GREB1L: variants seen among roughly 807,000 people sequenced by gnomAD.
GREB1L encodes GREB1-like protein.
A neutral mutation model predicts 200.8 loss-of-function variants in GREB1L; 17 were observed. The ratio of observed to expected loss-of-function variants is 0.08; its 90% CI spans 0.06 to 0.13. GREB1L has a LOEUF of 0.13. GREB1L is among the 10% of genes least tolerant of loss of function. The probability of loss-of-function intolerance (pLI) is 1.00; values close to 1 mark genes in which losing one functional copy is unlikely to be tolerated. For missense variants in GREB1L, 1,657 were observed against 2,367.7 expected (o/e 0.70, Z 6.23); for synonymous variants, 789 against 893.0 (o/e 0.88, Z 2.08).
chr18:21,377,924 A>G (rs1420914056), intron 2 of GREB1L, among the ~76,000 whole-genome samples: 2 of 152,074 alleles, frequency 1.3e-5, no homozygotes, highest in East Asian at 3.9e-4. Context: ...AAAAACAGAG[A>G]CAAGGTATCA....
At chr18:21,258,003 C>G (rs1182691610) in intron 1 of GREB1L, among the ~76,000 whole-genome samples, 3 of 152,080 alleles carry the variant, frequency 2.0e-5, no homozygotes. Context: ...AGTCAGAATT[C>G]AAATCTCAGT....
intron 15 of GREB1L, among the ~76,000 whole-genome samples, chr18:21,465,835 C>T (rs1330720324): frequency 6.6e-6 from 1 of 152,120 alleles, no homozygotes; most frequent in African/African-American, 2.4e-5. Context: ...AATGAGCACT[C>T]ATTACCCACC....
In GREB1L at chr18:21,392,987, G is replaced by A. The variant is rs1201280994; in HGVS notation, c.356-2398G>A. Among the ~76,000 whole-genome samples, 4 of 152,214 alleles carry A rather than the reference G, an allele frequency of 2.6e-5. No homozygotes were observed. The East Asian group carries it at 7.7e-4, about 29-fold the overall frequency. On this transcript the variant is annotated intron_variant, in intron 4 of 32. Coordinates refer to ENST00000424526, the MANE Select transcript of GREB1L (RefSeq NM_001142966.3). Reference sequence around the variant, plus strand: ...GGGGTTTCGCCCTGTTGCCTAGACTGGTCTTGAACTCCTGGACCCAAGCGA... The same window carrying A: ...GGGGTTTCGCCCTGTTGCCTAGACTAGTCTTGAACTCCTGGACCCAAGCGA...
intron 1 of GREB1L, among the ~76,000 whole-genome samples, chr18:21,284,858 T>C (rs2038328548): frequency 6.6e-6 from 1 of 152,200 alleles, no homozygotes; most frequent in South Asian, 2.1e-4. Context: ...CTGTTTTTTT[T>C]CTTTTAGCCA....
intron 13 of GREB1L, chr18:21,451,414 G>A (rs2034511978): frequency 3.7e-6 from 1 of 268,514 alleles, no homozygotes; most frequent in African/African-American, 2.2e-5. Context: ...CTCTCTCCCT[G>A]GAACTCGGTT....
At chr18:21,326,985 A>C (rs2144986144) in intron 1 of GREB1L, among the ~76,000 whole-genome samples, 1 of 152,218 alleles carries the variant, frequency 6.6e-6, no homozygotes, top group East Asian at 1.9e-4. Context: ...TAGCCACAAA[A>C]TCCATTGAGA....
intron 15 of GREB1L, among the ~76,000 whole-genome samples, chr18:21,456,932 C>G (rs1343763148): frequency 6.6e-6 from 1 of 152,066 alleles, no homozygotes; most frequent in Non-Finnish European, 1.5e-5. Flanking sequence ...AGGGCCTTGT[C>G]TTTTAAGTAT....
Position 21,515,591 on chromosome 18 carries a change from T to C in GREB1L, c.5076T>C (p.Asp1692=). The C allele has an allele frequency of 6.4e-7, 1 of 1,551,728 alleles. No homozygotes were observed. The change falls in exon 29 of 33, where the codon GAT becomes GAC. Residue 1692 remains aspartate (D), a synonymous_variant. Coordinates refer to ENST00000424526, the MANE Select transcript of GREB1L (RefSeq NM_001142966.3). The part of the protein sequence containing the change: ...KAPFSRCHVH[D]FILLNTDLTQ... ...CATTCTCTAGGTGTCACGTGCATGA[T>C]TTCATTCTCCTCAACACAGACTTGA...
At chr18:21,426,687 G>A (rs1434679150) in intron 7 of GREB1L, among the ~76,000 whole-genome samples, 5 of 152,008 alleles carry the variant, frequency 3.3e-5, no homozygotes, top group African/African-American at 9.7e-5. Flanking sequence ...GTCCAGATGC[G>A]GTGGCTCACG....
At chr18:21,249,861 A>T (rs1204986097) in intron 1 of GREB1L, among the ~76,000 whole-genome samples, 2 of 135,096 alleles carry the variant, frequency 1.5e-5, no homozygotes, top group Admixed American at 7.4e-5. Flanking sequence ...CTCTGTCTTT[A>T]AAAAAAAAAA....
chr18:21,368,410 A>G (rs1156827628), intron 2 of GREB1L, among the ~76,000 whole-genome samples: 3 of 152,248 alleles, frequency 2.0e-5, no homozygotes, highest in Non-Finnish European at 4.4e-5. Flanking sequence ...AGACAGGAGC[A>G]GATGACAGAG....
At chr18:21,396,775 A>G (rs1220029490) in intron 5 of GREB1L, among the ~76,000 whole-genome samples, 2 of 152,174 alleles carry the variant, frequency 1.3e-5, no homozygotes, top group African/African-American at 4.8e-5. Flanking sequence ...CTTTTTCACA[A>G]CATAGCTTCC....
chr18:21,281,311 G>A (rs1263823835), intron 1 of GREB1L, among the ~76,000 whole-genome samples: 2 of 152,128 alleles, frequency 1.3e-5, no homozygotes, highest in Admixed American at 6.6e-5. Flanking sequence ...ACTTCTCATT[G>A]CTGCAAGGTC....
At chr18:21,438,638 TAG>T (rs1161335104) in intron 7 of GREB1L, among the ~76,000 whole-genome samples, 5 of 151,550 alleles carry the variant, frequency 3.3e-5, no homozygotes, top group Non-Finnish European at 5.9e-5. Flanking sequence ...CACTGCACTC[TAG>T]CCTGGGTGAC....
At chr18:21,499,699 G>A (rs2036695028) in intron 21 of GREB1L, 30 bp from the exon 22 acceptor site, 3 of 1,471,044 alleles carry the variant, frequency 2.0e-6, no homozygotes, top group Non-Finnish European at 1.9e-6. Context: ...CAGAGCTGCT[G>A]TGGGGTGGGT....
chr18:21,412,025 C>G (rs568600387), intron 7 of GREB1L, among the ~76,000 whole-genome samples: 1 of 136,138 alleles, frequency 7.3e-6, no homozygotes, highest in Non-Finnish European at 1.5e-5. Flanking sequence ...TCAGTCCGGC[C>G]TGGGCGACAG....
chr18:21,385,354 GT>G (rs1427724578), intron 4 of GREB1L, among the ~76,000 whole-genome samples: 1 of 150,922 alleles, frequency 6.6e-6, no homozygotes, highest in African/African-American at 2.4e-5. Flanking sequence ...CTGCTTGGGA[GT>G]TTTATTTTCT....
chr18:21,355,580 C>T (rs954564208), intron 1 of GREB1L, among the ~76,000 whole-genome samples: 4 of 152,112 alleles, frequency 2.6e-5, no homozygotes, highest in African/African-American at 9.7e-5. Context: ...AGATAGCTAC[C>T]ACAGACTAAA....
At chr18:21,307,571 ACTGGTT>A (rs1207378123) in intron 1 of GREB1L, among the ~76,000 whole-genome samples, 6 of 152,116 alleles carry the variant, frequency 3.9e-5, no homozygotes, top group Non-Finnish European at 8.8e-5. Flanking sequence ...TCTAAACATC[ACTGGTT>A]CAGGGATGGT....
Sources: allele counts gnomAD v4.1 joint callset (sites outside exome capture counted in the v4.1 genomes callset), GRCh38; gene constraint gnomAD v4.1.1; transcripts MANE v1.5; gene names NCBI Gene and HGNC (gene_info 2026-07-23, HGNC 2026-07-21).